The following ITGA11 variants were observed in gnomAD, a reference collection of about 807,000 sequenced individuals.
The protein encoded by ITGA11 is integrin alpha-11.
Under a neutral mutation model 141.9 loss-of-function variants are expected in ITGA11, and 97 were observed. That is an observed-to-expected ratio of 0.68 (90% CI 0.58 to 0.81). ITGA11 has a LOEUF of 0.81. Ranked by LOEUF, ITGA11 falls within the 30% of genes least tolerant of loss-of-function variation. The pLI is 0.00. For synonymous variants in ITGA11, 658 were observed against 624.6 expected (o/e 1.05, Z -0.80); for missense variants, 1,387 against 1,559.2 (o/e 0.89, Z 1.86).
chr15:68,334,928 G>C (rs541201752), intron 12 of ITGA11, among the ~76,000 whole-genome samples: 134 of 152,290 alleles, frequency 8.8e-4, no homozygotes, highest in Middle Eastern at 3.4e-3. Flanking sequence ...CAAGAGACAG[G>C]AGGAGGAATG....
intron 7 of ITGA11, among the ~76,000 whole-genome samples, chr15:68,353,351 C>T (rs79428310): frequency 6.6e-6 from 1 of 152,096 alleles, no homozygotes; most frequent in Admixed American, 6.5e-5. Flanking sequence ...GAGGCACGTG[C>T]CACATGACGA....
At chr15:68,361,756 C>T (rs1194785757) in intron 4 of ITGA11, 52 bp from the exon 5 acceptor site, 29 of 1,310,166 alleles carry the variant, frequency 2.2e-5, no homozygotes, top group Non-Finnish European at 2.7e-5. Context: ...CAGAGAGGAT[C>T]GAGGTCCAAT....
chr15:68,353,272 C>T (rs773942866), intron 7 of ITGA11, among the ~76,000 whole-genome samples: 4 of 152,220 alleles, frequency 2.6e-5, no homozygotes, highest in Non-Finnish European at 2.9e-5. Flanking sequence ...TAGCAATTCT[C>T]CGATATGCTG....
At chr15:68,426,250 T>G (rs992262538) in intron 1 of ITGA11, among the ~76,000 whole-genome samples, 4 of 152,194 alleles carry the variant, frequency 2.6e-5, no homozygotes, top group African/African-American at 9.7e-5. Context: ...TTGTCATCAC[T>G]TATTAGTGCG....
intron 1 of ITGA11, among the ~76,000 whole-genome samples, chr15:68,416,617 A>G (rs1436568915): frequency 6.6e-6 from 1 of 152,116 alleles, no homozygotes. Context: ...GAATATATGG[A>G]TCATCTTCTT....
chr15:68,378,831 C>T (rs1595884456), intron 2 of ITGA11, among the ~76,000 whole-genome samples: 1 of 152,166 alleles, frequency 6.6e-6, no homozygotes, highest in South Asian at 2.1e-4. Context: ...CAAGTATCAT[C>T]ACAAACGTCA....
chr15:68,357,018 T>A (rs72743257), intron 7 of ITGA11, 133 bp downstream of exon 7: 1 of 853,078 alleles, frequency 1.2e-6, no homozygotes, highest in East Asian at 2.7e-5. Context: ...CCAGTCAAAC[T>A]CCAGAATTTT....
chr15:68,385,077 T>C (rs1895951057), intron 2 of ITGA11, among the ~76,000 whole-genome samples: 1 of 152,202 alleles, frequency 6.6e-6, no homozygotes, highest in Non-Finnish European at 1.5e-5. Context: ...CACCATCTCC[T>C]ATTTCTTCCT....
At chr15:68,334,280 T>C (rs1268624108) in intron 12 of ITGA11, among the ~76,000 whole-genome samples, 2 of 152,174 alleles carry the variant, frequency 1.3e-5, no homozygotes, top group African/African-American at 4.8e-5. Context: ...TGTGGGATGG[T>C]TTATAGCCTT....
rs969607544 is a variant in ITGA11 at position 68,348,283 on chromosome 15, G to T, written c.1131+547C>A. Among the ~76,000 whole-genome samples, 8 of 149,128 alleles carry T rather than the reference G, an allele frequency of 5.4e-5. No individual in the cohort carries two copies. The East Asian group carries it at 1.2e-3, about 22-fold the overall frequency. ...CAATCTGATGCAGCACCCACACAGT[G>T]GGGGGGGCCTATGAGTCACCTGCCA... is the stretch of plus-strand genomic sequence containing the variant. On this transcript the variant is annotated intron_variant, in intron 10 of 29. Transcript: ENST00000315757.
At chr15:68,409,936 G>A (rs764388064) in intron 1 of ITGA11, among the ~76,000 whole-genome samples, 3 of 152,082 alleles carry the variant, frequency 2.0e-5, no homozygotes, top group Admixed American at 6.5e-5. Flanking sequence ...AGACACCACC[G>A]ACCGTCGTCA....
chr15:68,387,668 G>A (rs1011090003), intron 2 of ITGA11, among the ~76,000 whole-genome samples: 12 of 151,986 alleles, frequency 7.9e-5, no homozygotes, highest in Admixed American at 3.3e-4. Flanking sequence ...ACATCCGCTG[G>A]GCTCCAATCC....
intron 2 of ITGA11, among the ~76,000 whole-genome samples, chr15:68,398,736 A>C (rs1008771749): frequency 6.8e-6 from 1 of 147,894 alleles, no homozygotes; most frequent in Non-Finnish European, 1.5e-5. Flanking sequence ...GATATAATTT[A>C]TATTAACTGT....
At chr15:68,369,819 G>T (rs1895533072) in intron 2 of ITGA11, among the ~76,000 whole-genome samples, 1 of 152,232 alleles carries the variant, frequency 6.6e-6, no homozygotes, top group South Asian at 2.1e-4. Flanking sequence ...CTGCCATGCA[G>T]CTGGGGCTCC....
Position 68,326,608 on chromosome 15 carries a change from C to T in ITGA11, c.2211+46G>A, listed in dbSNP as rs1171001706. ...CTCTGCCTCTCCCACGGCAGATGCT[C>T]CTTCCTATAGGAGCTTGGGCTCTGC... On this transcript the variant is annotated intron_variant, in intron 17 of 29. Coordinates refer to ENST00000315757, the MANE Select transcript of ITGA11 (RefSeq NM_001004439.2). The surrounding 1 kb of genome is among the most constrained non-coding windows in gnomAD (Gnocchi z 6.8). 6.5e-7 allele frequency: 1 copy of T among 1,536,222 alleles called. No homozygotes were observed. The highest frequency in any genetic ancestry group is 8.8e-7 in the Non-Finnish European group (1 of 1,137,632).
At chr15:68,371,400 C>T (rs1895584928) in intron 2 of ITGA11, among the ~76,000 whole-genome samples, 1 of 152,102 alleles carries the variant, frequency 6.6e-6, no homozygotes, top group African/African-American at 2.4e-5. Context: ...GAATCAGGCG[C>T]AGCATGTTCT....
chr15:68,375,646 G>A (rs1020610835), intron 2 of ITGA11, among the ~76,000 whole-genome samples: 2 of 152,234 alleles, frequency 1.3e-5, no homozygotes, highest in African/African-American at 4.8e-5. Flanking sequence ...CCTCGTGGGG[G>A]CTAGGGAAAC....
intron 2 of ITGA11, among the ~76,000 whole-genome samples, chr15:68,396,348 T>A (rs1458413942): frequency 1.3e-5 from 2 of 152,052 alleles, no homozygotes; most frequent in Non-Finnish European, 2.9e-5. Flanking sequence ...AATCATCTGA[T>A]AAAATTCAGC....
intron 20 of ITGA11, 71 bp from the exon 21 acceptor site, chr15:68,317,434 C>A (rs776071090): frequency 3.8e-6 from 4 of 1,058,012 alleles, no homozygotes; most frequent in African/African-American, 3.1e-5. Flanking sequence ...GGCTCCCTCA[C>A]CCCCAGCCTG....
Sources: allele counts gnomAD v4.1 joint callset (sites outside exome capture counted in the v4.1 genomes callset), GRCh38; gene constraint gnomAD v4.1.1; non-coding constraint Gnocchi (gnomAD v3.1); transcripts MANE v1.5; gene names NCBI Gene and HGNC (gene_info 2026-07-23, HGNC 2026-07-21).